Variants in UGT2A1 observed in about 807,000 individuals in gnomAD.
UGT2A1 encodes UDP-glucuronosyltransferase 2A1.
Under a neutral mutation model 45.4 loss-of-function variants are expected in UGT2A1, and 61 were observed. The ratio of observed to expected loss-of-function variants is 1.34; its 90% CI spans 1.09 to 1.66. The LOEUF (loss-of-function observed/expected upper bound fraction) is 1.66, where lower values mean the gene tolerates loss of function less well. Ranked by LOEUF, UGT2A1 falls within the 40% of genes most tolerant of loss-of-function variation. UGT2A1 has a pLI of 0.00. For synonymous variants in UGT2A1, 229 were observed against 196.2 expected (o/e 1.17, Z -1.40); for missense variants, 649 against 574.3 (o/e 1.13, Z -1.33).
chr4:69,646,723 A>C (rs892407861), intron 2 of UGT2A1, among the ~76,000 whole-genome samples: 4 of 151,890 alleles, frequency 2.6e-5, no homozygotes, highest in African/African-American at 9.7e-5. Context: ...CTGAATTGAT[A>C]TATTTAAGTC....
chr4:69,637,700 A>G (rs761718801), intron 2 of UGT2A1, among the ~76,000 whole-genome samples: 10 of 152,074 alleles, frequency 6.6e-5, no homozygotes, highest in East Asian at 1.9e-4. Context: ...CTAAATTTAT[A>G]TATTTATTTT....
At chr4:69,599,105 C>T in intron 4 of UGT2A1, 141 bp downstream of exon 4, 3 of 1,270,554 alleles carry the variant, frequency 2.4e-6, no homozygotes, top group South Asian at 3.7e-5. Flanking sequence ...TGTAGGAGAC[C>T]TCTATCACAA....
chr4:69,650,805 A>G lies in UGT2A1; in HGVS notation c.-55+2383T>C, dbSNP rs115278115. Among the ~76,000 whole-genome samples, 391 of 152,282 alleles carry G rather than the reference A, an allele frequency of 2.6e-3. 1 individual carries two copies. Among genetic ancestry groups the G allele is most frequent in the Non-Finnish European group, 4.6e-3 (314 of 68,026 alleles). On this transcript the variant is annotated intron_variant, in intron 1 of 6. Coordinates refer to ENST00000286604, the MANE Select transcript of UGT2A1 (RefSeq NM_001252275.3). ...GGCCTTCAGATGAAATGACATAGGT[A>G]AAGTGTTTTCAGAGATCTGTAGAGA... is the stretch of plus-strand genomic sequence containing the variant.
chr4:69,638,912 A>G (rs944398197), intron 2 of UGT2A1: 3 of 1,585,938 alleles, frequency 1.9e-6, no homozygotes, highest in Admixed American at 1.8e-5. Flanking sequence ...AAATTTTGCT[A>G]TAGTATGAAT....
intron 2 of UGT2A1, among the ~76,000 whole-genome samples, chr4:69,637,308 T>G (rs894067490): frequency 2.6e-5 from 4 of 152,136 alleles, no homozygotes; most frequent in Admixed American, 2.6e-4. Flanking sequence ...TTAATATCTT[T>G]CCTCTAGACA....
intron 3 of UGT2A1, among the ~76,000 whole-genome samples, chr4:69,628,195 A>C (rs1721193571): frequency 6.6e-6 from 1 of 151,970 alleles, no homozygotes; most frequent in Non-Finnish European, 1.5e-5. Flanking sequence ...TACCCAAAAC[A>C]ATCCAGATTC....
rs1269210088 is a variant in UGT2A1 at position 69,639,729 on chromosome 4, A to C, written c.716-3907T>G. 5.3e-6 allele frequency: 7 copies of C among 1,308,740 alleles called. No individual in the cohort carries two copies. The African/African-American group carries it at 1.1e-4, about 20-fold the overall frequency. The allele number at this position is 1,308,740 out of a possible 1,614,324, so 81.1% of individuals were successfully genotyped here. A position where few individuals can be genotyped will look rare whatever the true frequency, so the allele number is the denominator to read the frequency against. On this transcript the variant is annotated intron_variant, in intron 2 of 6. Transcript: ENST00000286604. Reference sequence around the variant, plus strand: ...TAAAGTAATATTTAGTGCGATGGTTACACTCAGTCGTAGGTCAATTGATCT... The same window carrying C: ...TAAAGTAATATTTAGTGCGATGGTTCCACTCAGTCGTAGGTCAATTGATCT...
At chr4:69,618,213 G>A (rs56879789) in intron 3 of UGT2A1, among the ~76,000 whole-genome samples, 71 of 98,330 alleles carry the variant, frequency 7.2e-4, no homozygotes, top group Middle Eastern at 5.0e-3. Flanking sequence ...GTGTGTGTGT[G>A]TGTATGTTTG....
chr4:69,608,649 A>G (rs555779015), intron 3 of UGT2A1, among the ~76,000 whole-genome samples: 221 of 152,258 alleles, frequency 1.5e-3, no homozygotes, highest in Middle Eastern at 6.8e-3. Flanking sequence ...AAAAATGCAA[A>G]GAAATGGACT....
At chr4:69,614,445 T>C (rs1720251456) in intron 3 of UGT2A1, among the ~76,000 whole-genome samples, 1 of 127,792 alleles carries the variant, frequency 7.8e-6, no homozygotes, top group African/African-American at 3.1e-5. Context: ...CCAATAAAAT[T>C]CTTCACAAAT....
At chr4:69,637,396 G>T (rs1405172414) in intron 2 of UGT2A1, among the ~76,000 whole-genome samples, 2 of 152,048 alleles carry the variant, frequency 1.3e-5, no homozygotes, top group East Asian at 1.9e-4. Context: ...GAAGAAAAAA[G>T]ATATATTCAA....
chr4:69,632,615 C>G (rs1384959768), intron 3 of UGT2A1, among the ~76,000 whole-genome samples: 1 of 152,058 alleles, frequency 6.6e-6, no homozygotes, highest in Non-Finnish European at 1.5e-5. Context: ...ACTGGCCAGG[C>G]ACAATGACTC....
chr4:69,649,352 C>T (rs1722416250), intron 1 of UGT2A1, among the ~76,000 whole-genome samples: 2 of 152,014 alleles, frequency 1.3e-5, no homozygotes, highest in South Asian at 4.1e-4. Context: ...TTTTGCCTTT[C>T]TGGTGTCAGT....
chr4:69,634,398 C>A (rs1239999410), intron 3 of UGT2A1, among the ~76,000 whole-genome samples: 2 of 151,938 alleles, frequency 1.3e-5, no homozygotes, highest in African/African-American at 4.8e-5. Context: ...GGGTGGGAAG[C>A]AGGGTATGAG....
rs1473738643 is a variant in UGT2A1 at position 69,602,101 on chromosome 4, AT to A, written c.848-2708del. Among the ~76,000 whole-genome samples, 5 of 137,332 alleles carry A rather than the reference AT, an allele frequency of 3.6e-5. No homozygotes were observed. The South Asian group carries it at 1.2e-3, about 33-fold the overall frequency. 90.1% of individuals were successfully genotyped at this position (137,332 alleles called of 152,430 possible). A position where few individuals can be genotyped will look rare whatever the true frequency, so the allele number is the denominator to read the frequency against. On this transcript the variant is annotated intron_variant, in intron 3 of 6. Transcript: ENST00000286604. ...AAATCTAGTAATATTTTAACAAAAG[AT>A]ATGAAAAAGTTGGACTCATTATAGT...
At chr4:69,649,572 T>C (rs1560499496) in intron 1 of UGT2A1, among the ~76,000 whole-genome samples, 1 of 152,100 alleles carries the variant, frequency 6.6e-6, no homozygotes, top group Non-Finnish European at 1.5e-5. Context: ...ACAAGGTCCG[T>C]TGGTAAAATT....
intron 3 of UGT2A1, among the ~76,000 whole-genome samples, chr4:69,620,531 TATC>T (rs1177378898): frequency 6.6e-6 from 1 of 151,818 alleles, no homozygotes; most frequent in Admixed American, 6.6e-5. Flanking sequence ...GAATAATCGA[TATC>T]ATTAAAATGG....
At position 69,604,967 on chromosome 4, in the gene UGT2A1, TAATG is replaced by T. The variant is rs1404389103; in HGVS notation, c.848-5577_848-5574del. 5.9e-5 allele frequency among the ~76,000 whole-genome samples: 8 copies of T among 136,160 alleles called. 3 individuals are homozygous for T. Among genetic ancestry groups the T allele is most frequent in the African/African-American group, 2.4e-4 (8 of 33,546 alleles). The allele number at this position is 136,160 out of a possible 152,430, so 89.3% of individuals were successfully genotyped here. ...AGAGACTTAGACTCCCACACAATAA[TAATG>T]AGAGACTTTGACACCCCACTGTCAA... is the stretch of plus-strand genomic sequence containing the variant. On this transcript the variant is annotated intron_variant, in intron 3 of 6. Coordinates refer to ENST00000286604, the MANE Select transcript of UGT2A1 (RefSeq NM_001252275.3).
At chr4:69,607,854 A>T (rs1230708674) in intron 3 of UGT2A1, among the ~76,000 whole-genome samples, 7 of 152,080 alleles carry the variant, frequency 4.6e-5, no homozygotes, top group African/African-American at 1.7e-4. Flanking sequence ...GAAATGCAAA[A>T]CAAAACCACA....
Sources: gnomAD v4.1 joint callset for allele counts (sites outside exome capture counted in the v4.1 genomes callset) on GRCh38, gnomAD v4.1.1 for gene constraint, MANE v1.5 for transcripts, NCBI Gene and HGNC (gene_info 2026-07-23, HGNC 2026-07-21) for gene names.